RIF1: variants seen among roughly 807,000 people sequenced by gnomAD.
RIF1 encodes the protein replication timing regulatory factor 1, also known as telomere-associated protein RIF1.
Under a neutral mutation model 247.1 loss-of-function variants are expected in RIF1, and 45 were observed. The ratio of observed to expected loss-of-function variants is 0.18; its 90% confidence interval spans 0.14 to 0.23. RIF1 has a LOEUF of 0.23. RIF1 is among the 10% of genes least tolerant of loss of function. The pLI, the probability that RIF1 is intolerant of heterozygous loss-of-function variation, is 1.00. For synonymous variants in RIF1, 1,087 were observed against 978.8 expected, an observed-to-expected ratio of 1.11 and a Z score of -2.06; for missense variants, 2,967 against 2,862.5, an observed-to-expected ratio of 1.04 and a Z score of -0.83.
Position 151,425,978 on chromosome 2 carries a change from CTGTGGTACCCTTT to C in RIF1, c.787-2803_787-2791del, listed in dbSNP as rs1189397493. On this transcript the variant is annotated intron_variant, in intron 8 of 35. Coordinates refer to ENST00000444746, the MANE Select transcript of RIF1 (RefSeq NM_018151.5). ...GCAGGCGTGAGCCACCGCGCCTGGC[CTGTGGTACCCTTT>C]TGAAAATCAATTGAACATAGGTGTA... is the stretch of plus-strand genomic sequence containing the variant. Among the ~76,000 whole-genome samples, 5 of 149,760 alleles carry C rather than the reference CTGTGGTACCCTTT, an allele frequency of 3.3e-5. No individual in the cohort carries two copies. The East Asian group carries it at 1.0e-3, about 30-fold the overall frequency.
intron 16 of RIF1, among the ~76,000 whole-genome samples, chr2:151,442,234 C>T (rs1242208687): frequency 6.6e-6 from 1 of 151,630 alleles, no homozygotes; most frequent in African/African-American, 2.4e-5. Flanking sequence ...TGCCACCACA[C>T]CCGGCTAATT....
intron 33 of RIF1, among the ~76,000 whole-genome samples, 194 bp downstream of exon 33, chr2:151,468,950 G>A (rs1697382781): frequency 6.6e-6 from 1 of 152,150 alleles, no homozygotes; most frequent in Admixed American, 6.5e-5. Flanking sequence ...ATAGTAAGAT[G>A]TATGCATAAT....
At position 151,435,722 on chromosome 2, in the gene RIF1, T is replaced by C. The variant is rs115466051; in HGVS notation, c.1195+142T>C. On this transcript the variant is annotated intron_variant, in intron 11 of 35. Coordinates refer to ENST00000444746, the MANE Select transcript of RIF1 (RefSeq NM_018151.5). ...TTGAAATGAAGCACTTCATAATTTT[T>C]AGGTTCATTACCAAAAAATCCATTA... is the stretch of plus-strand genomic sequence containing the variant. 466 of 576,886 alleles carry C rather than the reference T, an allele frequency of 8.1e-4. 1 individual carries two copies. The highest frequency in any genetic ancestry group is 8.1e-3 in the African/African-American group (438 of 54,392). The allele number at this position is 576,886 out of a possible 1,614,324, so 35.7% of individuals were successfully genotyped here. A position where few individuals can be genotyped will look rare whatever the true frequency, so the allele number is the denominator to read the frequency against.
chr2:151,419,855 C>T (rs771596922), intron 6 of RIF1, among the ~76,000 whole-genome samples: 1 of 152,058 alleles, frequency 6.6e-6, no homozygotes, highest in Non-Finnish European at 1.5e-5. Flanking sequence ...GCATCTTTGA[C>T]CAAAACGTTG....
chr2:151,496,296 T>C lies in RIF1; in HGVS notation c.*513+970T>C. 6.2e-7 allele frequency: 1 copy of C among 1,610,926 alleles called. No individual in the cohort carries two copies. The highest frequency in any genetic ancestry group is 1.1e-5 in the South Asian group (1 of 90,480). ...AGTACCGAGCTAATATTTTCTTGAT[T>C]GTGTTTGACTCGCTCCATCTCGGGA... On this transcript the variant is annotated intron_variant and NMD_transcript_variant, in intron 10 of 13. Transcript: ENST00000454583.
the RIF1 span, chr2:151,519,069 C>T: frequency 3.1e-6 from 5 of 1,595,354 alleles, no homozygotes; most frequent in African/African-American, 4.0e-5. Flanking sequence ...TTGTATTTAA[C>T]CTGTGTGTTA....
chr2:151,497,932 A>AGAG, intron 10 of RIF1: 1 of 1,454,344 alleles, frequency 6.9e-7, no homozygotes, highest in Admixed American at 2.9e-5. Flanking sequence ...AAGGGCTGTC[A>AGAG]GAGTTATCCA....
intron 15 of RIF1, among the ~76,000 whole-genome samples, 153 bp downstream of exon 15, chr2:151,440,280 T>C (rs1416356500): frequency 6.6e-6 from 1 of 152,152 alleles, no homozygotes; most frequent in Non-Finnish European, 1.5e-5. Flanking sequence ...GCCATTCTAT[T>C]AACTGTAGAG....
rs1302649789 is a variant in RIF1 at position 151,410,420 on chromosome 2, C to G, written c.-4C>G. 2.5e-6 allele frequency: 4 copies of G among 1,611,976 alleles called. No individual in the cohort carries two copies. Among genetic ancestry groups the G allele is most frequent in the Admixed American group, 1.7e-5 (1 of 59,856 alleles). On this transcript the variant is annotated 5_prime_UTR_variant, in exon 2 of 36. Transcript: ENST00000444746. ...CTTCCGGTTCGGGCCTCAGGGTGGC[C>G]GACATGACGGCCAGGGGTCAGAGCC...
intron 14 of RIF1, among the ~76,000 whole-genome samples, chr2:151,439,447 C>G (rs1398489342): frequency 6.6e-6 from 1 of 152,010 alleles, no homozygotes; most frequent in Admixed American, 6.6e-5. Flanking sequence ...GGCGGATCAC[C>G]TGAGGTCAGG....
In RIF1 at chr2:151,482,064, T is replaced by C. The variant is rs1010218231; in HGVS notation, c.*6993T>C. The C allele has an allele frequency of 6.6e-6, 1 of 152,240 alleles. No individual in the cohort carries two copies. The highest frequency in any genetic ancestry group is 2.4e-5 in the African/African-American group (1 of 41,458). 9.4% of individuals were successfully genotyped at this position (152,240 alleles called of 1,614,324 possible). A position where few individuals can be genotyped will look rare whatever the true frequency, so the allele number is the denominator to read the frequency against. On this transcript the variant is annotated 3_prime_UTR_variant, in exon 36 of 36. Coordinates refer to ENST00000444746, the MANE Select transcript of RIF1 (RefSeq NM_018151.5). ...CTATGTTTGATTCACAGTAAAACTT[T>C]TCATGAATCATTGAGGGTTAACTGT...
chr2:151,494,243 T>A (rs745553889), intron 9 of RIF1: 1 of 1,597,736 alleles, frequency 6.3e-7, no homozygotes, highest in South Asian at 1.1e-5. Context: ...CACATTTTCT[T>A]TGTACAAAAC....
At chr2:151,432,912 C>G (rs576808863) in intron 9 of RIF1, among the ~76,000 whole-genome samples, 165 bp from the exon 10 acceptor site, 3 of 152,264 alleles carry the variant, frequency 2.0e-5, no homozygotes, top group African/African-American at 7.2e-5. Flanking sequence ...TGTAGTTTAT[C>G]AAAATGCAAG....
the RIF1 span, chr2:151,519,834 T>C: frequency 9.5e-7 from 1 of 1,058,068 alleles, no homozygotes; most frequent in East Asian, 2.4e-5. Flanking sequence ...TGGGGAATAG[T>C]AGAAACACAA....
At chr2:151,497,122 A>AAGAC in intron 10 of RIF1, 1 of 1,440,502 alleles carries the variant, frequency 6.9e-7, no homozygotes, top group Non-Finnish European at 9.5e-7. Flanking sequence ...CTTCCTTGTT[A>AAGAC]AGACAAAACA....
chr2:151,498,957 AC>A (rs2062359053), intron 10 of RIF1, among the ~76,000 whole-genome samples: 1 of 152,186 alleles, frequency 6.6e-6, no homozygotes, highest in Non-Finnish European at 1.5e-5. Context: ...AGAATAAGAA[AC>A]GAGGATAATA....
intron 6 of RIF1, among the ~76,000 whole-genome samples, chr2:151,419,176 C>T (rs1687740305): frequency 6.6e-6 from 1 of 151,672 alleles, no homozygotes; most frequent in Non-Finnish European, 1.5e-5. Context: ...GCTGAAGGAC[C>T]CTCAAGGCTA....
At chr2:151,521,751 A>C in the RIF1 span, among the ~76,000 whole-genome samples, 2 of 152,202 alleles carry the variant, frequency 1.3e-5, no homozygotes, top group Non-Finnish European at 2.9e-5. Flanking sequence ...AGTTAACTTC[A>C]ACCTTTTTAA....
intron 8 of RIF1, among the ~76,000 whole-genome samples, chr2:151,424,308 T>G (rs924139844): frequency 3.9e-5 from 6 of 152,198 alleles, no homozygotes; most frequent in Non-Finnish European, 5.9e-5. Flanking sequence ...TTCACCATGT[T>G]GACCAGGATG....
Sources: gnomAD v4.1 joint callset for allele counts (sites outside exome capture counted in the v4.1 genomes callset) on GRCh38, gnomAD v4.1.1 for gene constraint, MANE v1.5 for transcripts, NCBI Gene and HGNC (gene_info 2026-07-23, HGNC 2026-07-21) for gene names.